The following CACNA1E variants were observed in gnomAD, a reference collection of about 807,000 sequenced individuals.
The protein encoded by CACNA1E is voltage-dependent R-type calcium channel subunit alpha-1E.
A neutral mutation model predicts 259.2 loss-of-function variants in CACNA1E; 40 were observed. That is an observed-to-expected ratio of 0.15 (90% CI 0.12 to 0.20). The LOEUF is 0.20. Among genes scored for constraint, CACNA1E ranks in the 10% least tolerant of loss-of-function variants. The pLI, the probability that CACNA1E is intolerant of heterozygous loss-of-function variation, is 1.00. For synonymous variants in CACNA1E, 1,104 were observed against 1,138.5 expected, an observed-to-expected ratio of 0.97 and a Z score of 0.61; for missense variants, 1,874 against 3,040.1, an observed-to-expected ratio of 0.62 and a Z score of 9.02.
At chr1:181,345,334 T>C (rs914795342) in intron 1 of CACNA1E, among the ~76,000 whole-genome samples, 24 of 152,100 alleles carry the variant, frequency 1.6e-4, no homozygotes, top group Non-Finnish European at 2.5e-4. Context: ...TCACAGTCAG[T>C]GTGAATTTGA....
intron 1 of CACNA1E, among the ~76,000 whole-genome samples, chr1:181,377,178 A>T (rs1389375912): frequency 2.6e-5 from 4 of 152,236 alleles, no homozygotes; most frequent in Non-Finnish European, 5.9e-5. Context: ...AGTTGAGAGG[A>T]CATAGAGATT....
intron 7 of CACNA1E, among the ~76,000 whole-genome samples, chr1:181,682,651 G>A (rs1009476065): frequency 4.6e-5 from 7 of 152,172 alleles, no homozygotes; most frequent in African/African-American, 1.7e-4. Context: ...GCATGATTCT[G>A]GTATCTGCTG....
At chr1:181,384,121 T>A (rs940771848) in intron 1 of CACNA1E, among the ~76,000 whole-genome samples, 1 of 152,236 alleles carries the variant, frequency 6.6e-6, no homozygotes, top group Admixed American at 6.5e-5. Context: ...CCACAGCTTT[T>A]GATGCAAGGA....
intron 7 of CACNA1E, among the ~76,000 whole-genome samples, chr1:181,671,305 C>T (rs1051837497): frequency 8.5e-5 from 13 of 152,186 alleles, no homozygotes; most frequent in African/African-American, 2.2e-4. Flanking sequence ...GGATTACAGG[C>T]GTGATCTACT....
chr1:181,548,816 C>CT (rs1456908098), intron 3 of CACNA1E, among the ~76,000 whole-genome samples: 2 of 152,336 alleles, frequency 1.3e-5, no homozygotes, highest in African/African-American at 4.8e-5. Context: ...TGATAAATGA[C>CT]TTTCGTCTTA....
chr1:181,802,772 A>G lies in CACNA1E; in HGVS notation c.*3938A>G, dbSNP rs1186003854. ...TGGCATAATGCAACAAAAATCTCATATAATTTTGATTTTTAAAAAGTTGTT... is the reference window on the plus strand; with the variant it reads ...TGGCATAATGCAACAAAAATCTCATGTAATTTTGATTTTTAAAAAGTTGTT... On this transcript the variant is annotated 3_prime_UTR_variant, in exon 48 of 48. Transcript: ENST00000367573. 1 of 152,182 alleles carries G rather than the reference A, an allele frequency of 6.6e-6. No individual in the cohort carries two copies. Among genetic ancestry groups the G allele is most frequent in the Non-Finnish European group, 1.5e-5 (1 of 68,042 alleles). 9.4% of individuals were successfully genotyped at this position (152,182 alleles called of 1,614,324 possible).
intron 3 of CACNA1E, among the ~76,000 whole-genome samples, chr1:181,544,734 G>A (rs766896185): frequency 3.9e-5 from 6 of 152,164 alleles, no homozygotes; most frequent in African/African-American, 7.2e-5. Context: ...TGTGGACATG[G>A]TGGGGAAGCA....
At chr1:181,428,872 G>A (rs989138566) in intron 2 of CACNA1E, among the ~76,000 whole-genome samples, 3 of 152,176 alleles carry the variant, frequency 2.0e-5, no homozygotes, top group Admixed American at 6.5e-5. Context: ...CTCACATAGG[G>A]TTGCTCAAGA....
intron 28 of CACNA1E, 32 bp from the exon 29 acceptor site, chr1:181,755,924 G>A (rs1370120199): frequency 6.2e-7 from 1 of 1,605,724 alleles, no homozygotes; most frequent in Non-Finnish European, 8.5e-7. Context: ...CTATAGTGAG[G>A]AGGCTCTCTT....
chr1:181,797,510 G>A (rs1284528133), intron 47 of CACNA1E, among the ~76,000 whole-genome samples: 4 of 152,218 alleles, frequency 2.6e-5, no homozygotes, highest in African/African-American at 9.6e-5. Flanking sequence ...CAGCAGTCGA[G>A]AGGTTTCCCT....
Position 181,715,354 on chromosome 1 carries a change from T to C in CACNA1E, c.1188T>C (p.Ala396=), listed in dbSNP as rs1193987464. The C allele has an allele frequency of 4.4e-6, 7 of 1,598,770 alleles. No homozygotes were observed. The highest frequency in any genetic ancestry group is 6.0e-6 in the Non-Finnish European group (7 of 1,168,646). ...TCCATATAGAGGAAGTCATGCTCGC[T>C]GAAGAAAATAAAAATGCTGGAACAT... ...WIDKAEEVML[A]EENKNAGTSA... is the part of the protein sequence containing the mutation. The change falls in exon 9 of 48, where the codon GCT becomes GCC. Residue 396 remains alanine, a synonymous_variant. Coordinates refer to ENST00000367573, the MANE Select transcript of CACNA1E (RefSeq NM_001205293.3).
intron 6 of CACNA1E, among the ~76,000 whole-genome samples, chr1:181,609,828 A>G (rs1323288990): frequency 1.3e-5 from 2 of 152,156 alleles, no homozygotes. Context: ...CATACAGCTG[A>G]CAAGCAGTAC....
chr1:181,597,221 A>G (rs1325429852), intron 6 of CACNA1E, among the ~76,000 whole-genome samples: 1 of 152,184 alleles, frequency 6.6e-6, no homozygotes, highest in South Asian at 2.1e-4. Context: ...TATCACCTCC[A>G]TGGGACTTGG....
At chr1:181,429,854 G>A (rs2102244576) in intron 2 of CACNA1E, among the ~76,000 whole-genome samples, 1 of 152,284 alleles carries the variant, frequency 6.6e-6, no homozygotes. Context: ...ACAGGAAGAT[G>A]TATATAGATG....
intron 24 of CACNA1E, among the ~76,000 whole-genome samples, chr1:181,738,751 G>T (rs1430138213): frequency 6.6e-6 from 1 of 152,234 alleles, no homozygotes; most frequent in African/African-American, 2.4e-5. Flanking sequence ...AAGGCAAAGG[G>T]CTAGGTAGAG....
At chr1:181,637,013 C>G (rs1423845589) in intron 6 of CACNA1E, among the ~76,000 whole-genome samples, 1 of 152,194 alleles carries the variant, frequency 6.6e-6, no homozygotes, top group African/African-American at 2.4e-5. Context: ...GTGATTTCCT[C>G]TTGTTATTTG....
chr1:181,327,370 G>A (rs989359922), intron 1 of CACNA1E, among the ~76,000 whole-genome samples: 13 of 152,176 alleles, frequency 8.5e-5, no homozygotes, highest in African/African-American at 3.1e-4. Context: ...TTGACGGAAG[G>A]CAGTAATACT....
At chr1:181,532,054 T>A (rs1379833810) in intron 3 of CACNA1E, among the ~76,000 whole-genome samples, 1 of 151,762 alleles carries the variant, frequency 6.6e-6, no homozygotes, top group African/African-American at 2.4e-5. Context: ...AAACTTCATC[T>A]CAAAAAAAAG....
chr1:181,783,869 G>C (rs1021040791), intron 40 of CACNA1E, 85 bp downstream of exon 40: 2 of 857,448 alleles, frequency 2.3e-6, no homozygotes, highest in East Asian at 2.4e-5. Flanking sequence ...TATTTGAACT[G>C]TCATCTATCC....
Sources: allele counts gnomAD v4.1 joint callset (sites outside exome capture counted in the v4.1 genomes callset), GRCh38; gene constraint gnomAD v4.1.1; transcripts MANE v1.5; gene names NCBI Gene and HGNC (gene_info 2026-07-23, HGNC 2026-07-21).